REV1: variants seen among roughly 807,000 people sequenced by gnomAD.
The protein encoded by REV1 is REV1 DNA directed polymerase.
A neutral mutation model predicts 137.4 loss-of-function variants in REV1; 42 were observed. The observed-to-expected ratio is 0.31, with a 90% CI of 0.24 to 0.40. The LOEUF (loss-of-function observed/expected upper bound fraction) is 0.40. Ranked by LOEUF, REV1 falls within the 10% of genes least tolerant of loss-of-function variation. The pLI, the probability that REV1 is intolerant of heterozygous loss-of-function variation, is 1.00. For synonymous variants in REV1, 524 were observed against 519.2 expected (o/e 1.01, Z -0.12); for missense variants, 1,282 against 1,490.1 (o/e 0.86, Z 2.30).
At chr2:99,415,811 G>A (rs909525038) in intron 12 of REV1, among the ~76,000 whole-genome samples, 2 of 152,258 alleles carry the variant, frequency 1.3e-5, no homozygotes, top group African/African-American at 4.8e-5. Flanking sequence ...AAGGCTGAAT[G>A]AGGTGCAGAG....
rs1035008695 is a variant in REV1, at chr2:99,409,622, T to A, written c.2345+1073A>T. ...ACTATGGGAGGCTGCGGTGGGCGGA[T>A]CATTTGAAGTCAGGAGTTCAAGATC... On this transcript the variant is annotated intron_variant, in intron 14 of 22. Coordinates refer to ENST00000258428, the MANE Select transcript of REV1 (RefSeq NM_016316.4). Among the ~76,000 whole-genome samples the A allele has an allele frequency of 2.0e-5, 3 of 152,172 alleles. No homozygotes were observed. The East Asian group carries it at 5.8e-4, about 29-fold the overall frequency.
chr2:99,412,567 A>C (rs1294053529), intron 13 of REV1, among the ~76,000 whole-genome samples, 164 bp downstream of exon 13: 1 of 152,150 alleles, frequency 6.6e-6, no homozygotes. Flanking sequence ...CTGGGGCTAC[A>C]CCTTACCACA....
intron 8 of REV1, among the ~76,000 whole-genome samples, chr2:99,432,923 T>C (rs1286863509): frequency 6.6e-6 from 1 of 152,172 alleles, no homozygotes; most frequent in Non-Finnish European, 1.5e-5. Flanking sequence ...TCCTAAGGAA[T>C]GTGAGCTTGT....
At position 99,438,633 on chromosome 2, in the gene REV1, G is replaced by A; in HGVS notation, c.1181C>T (p.Thr394Ile). Residue 394 changes from threonine to isoleucine, a missense_variant, in exon 6 of 23, where the codon ACA becomes ATA. Thr to Ile is a moderately conservative substitution (Grantham distance 89). Around this residue, in one of 7 missense-constraint regions of REV1, gnomAD observed 432 missense variants for 438.0 expected, o/e 0.99. Coordinates refer to ENST00000258428, the MANE Select transcript of REV1 (RefSeq NM_016316.4). Reference sequence around the variant, plus strand: ...AGTTACAACAAGTGCAGACCTGCCTGTTTTCATTTTTTTTAACTTTTCCCT... The same window carrying A: ...AGTTACAACAAGTGCAGACCTGCCTATTTTCATTTTTTTTAACTTTTCCCT... ...PGREKLKKMK[T>I]GRSALVVTDT... 5.6e-6 allele frequency: 9 copies of A among 1,613,584 alleles called. No individual in the cohort carries two copies. Among genetic ancestry groups the A allele is most frequent in the South Asian group, 1.1e-5 (1 of 91,076 alleles).
chr2:99,487,887 A>C lies in REV1; in HGVS notation c.-11+1930T>G, dbSNP rs1687294869. Among the ~76,000 whole-genome samples the C allele has an allele frequency of 1.7e-5, 2 of 118,174 alleles. 1 individual carries two copies. The highest frequency in any genetic ancestry group is 6.1e-5 in the African/African-American group (2 of 32,968). The allele number at this position is 118,174 out of a possible 152,430, so 77.5% of individuals were successfully genotyped here. ...GAACTGCAATAAACAGGTATACCAA[A>C]GGGAATATGTATTTACTGAGCACCT... On this transcript the variant is annotated intron_variant, in intron 1 of 22. Transcript: ENST00000258428.
intron 1 of REV1, among the ~76,000 whole-genome samples, chr2:99,486,545 A>G (rs1193599919): frequency 6.7e-6 from 1 of 148,358 alleles, no homozygotes; most frequent in East Asian, 1.9e-4. Flanking sequence ...AAAAAAAATT[A>G]CCCTGTTCTA....
chr2:99,422,776 T>C (rs1678855184), intron 10 of REV1, among the ~76,000 whole-genome samples: 1 of 152,172 alleles, frequency 6.6e-6, no homozygotes. Context: ...TGCATGTGAC[T>C]GTGTAGGAGT....
chr2:99,432,229 T>G (rs1180573809), intron 8 of REV1, among the ~76,000 whole-genome samples: 4 of 152,310 alleles, frequency 2.6e-5, no homozygotes, highest in African/African-American at 7.2e-5. Flanking sequence ...AAAGAGTTTT[T>G]GGATACGACA....
At chr2:99,409,358 T>C (rs185274872) in intron 14 of REV1, among the ~76,000 whole-genome samples, 2 of 152,350 alleles carry the variant, frequency 1.3e-5, no homozygotes, top group Admixed American at 6.5e-5. Flanking sequence ...CCATGTATGG[T>C]TGGCATGAGC....
At chr2:99,487,450 T>C (rs1171553655) in intron 1 of REV1, among the ~76,000 whole-genome samples, 1 of 118,576 alleles carries the variant, frequency 8.4e-6, no homozygotes, top group East Asian at 2.3e-4. Flanking sequence ...AACCAAGAGA[T>C]AATGGAACTT....
intron 1 of REV1, among the ~76,000 whole-genome samples, chr2:99,478,122 G>T (rs1371287328): frequency 2.0e-5 from 3 of 152,100 alleles, no homozygotes; most frequent in Non-Finnish European, 4.4e-5. Context: ...GGTAGTCCCA[G>T]CTACTCGGGA....
intron 14 of REV1, among the ~76,000 whole-genome samples, chr2:99,410,035 G>C (rs1194167179): frequency 2.0e-5 from 3 of 151,948 alleles, no homozygotes; most frequent in Non-Finnish European, 4.4e-5. Flanking sequence ...TTTTGAGACA[G>C]AATGTTGCTC....
chr2:99,432,063 G>A (rs1680192962), intron 8 of REV1: 2 of 276,086 alleles, frequency 7.2e-6, no homozygotes, highest in Non-Finnish European at 1.1e-5. Context: ...GGAAATCCAG[G>A]AAGGGGTAAA....
At chr2:99,431,909 C>CG in intron 8 of REV1, 1 of 985,320 alleles carries the variant, frequency 1.0e-6, no homozygotes, top group Non-Finnish European at 1.2e-6. Flanking sequence ...TGTGGAGGAA[C>CG]GGTTGGAGAA....
rs1192885235 is a variant in REV1 at position 99,433,839 on chromosome 2, A to G, written c.1438+493T>C. 2.6e-5 allele frequency among the ~76,000 whole-genome samples: 4 copies of G among 152,210 alleles called. 1 individual carries two copies. The East Asian group carries it at 5.8e-4, about 22-fold the overall frequency. On this transcript the variant is annotated intron_variant, in intron 8 of 22. Transcript: ENST00000258428. The stretch of plus-strand genomic sequence containing the variant: ...AGTACAACTTATGATTTTGCTTATT[A>G]ATATCCAAAATTAAAAAGTCAAGAG...
chr2:99,406,430 G>A lies in REV1; in HGVS notation c.2509C>T (p.Arg837Cys), dbSNP rs754779533. The A allele has an allele frequency of 5.6e-6, 9 of 1,613,558 alleles. No individual in the cohort carries two copies. Among genetic ancestry groups the A allele is most frequent in the African/African-American group, 1.3e-5 (1 of 74,892 alleles). Residue 837 changes from arginine (R) to cysteine (C), a missense_variant, in exon 16 of 23, where the codon CGC (arginine) becomes TGC (cysteine). This residue lies in a region of REV1 where 372 missense variants were observed against 482.3 expected (regional missense o/e 0.77). Transcript: ENST00000258428. ...TNLNPSTCPS[R>C]PSVQSSHFPS... ...AAGTGGCTTGACTGAACTGATGGGCGACTGGGACATGTGGAAGGGTTCAGA... is the reference window on the plus strand; with the variant it reads ...AAGTGGCTTGACTGAACTGATGGGCAACTGGGACATGTGGAAGGGTTCAGA...
At chr2:99,464,267 G>A (rs1684563258) in intron 2 of REV1, among the ~76,000 whole-genome samples, 4 of 152,104 alleles carry the variant, frequency 2.6e-5, no homozygotes, top group Admixed American at 2.6e-4. Flanking sequence ...AGGTGTAGGT[G>A]GCTAGAAGTA....
intron 1 of REV1, among the ~76,000 whole-genome samples, chr2:99,488,513 C>A (rs1687330521): frequency 6.9e-6 from 1 of 145,162 alleles, no homozygotes; most frequent in African/African-American, 2.5e-5. Context: ...AAACGCAACA[C>A]AGGAAAAGGC....
At chr2:99,402,603 T>G in intron 21 of REV1, 41 bp downstream of exon 21, 2 of 1,576,098 alleles carry the variant, frequency 1.3e-6, no homozygotes, top group East Asian at 2.2e-5. Context: ...ATGAGACGAC[T>G]ACATCTCAGC....
Sources: gnomAD v4.1 joint callset for allele counts (sites outside exome capture counted in the v4.1 genomes callset) on GRCh38, gnomAD v4.1.1 for gene constraint, gnomAD v4.1.1 regional missense constraint, MANE v1.5 for transcripts, NCBI Gene and HGNC (gene_info 2026-07-23, HGNC 2026-07-21) for gene names.